NTNG1: variants seen among roughly 807,000 people sequenced by gnomAD.
NTNG1 encodes the protein netrin-G1.
A neutral mutation model predicts 54.0 loss-of-function variants in NTNG1; 16 were observed. The ratio of observed to expected loss-of-function variants is 0.30; its 90% confidence interval spans 0.20 to 0.45. The LOEUF (loss-of-function observed/expected upper bound fraction) is 0.45. NTNG1 is among the 20% of genes least tolerant of loss of function. NTNG1 has a pLI of 1.00. For synonymous variants in NTNG1, 255 were observed against 263.1 expected, an observed-to-expected ratio of 0.97 and a Z score of 0.30; for missense variants, 530 against 678.7, an observed-to-expected ratio of 0.78 and a Z score of 2.43.
intron 3 of NTNG1, among the ~76,000 whole-genome samples, chr1:107,351,702 T>C (rs1669608111): frequency 6.6e-6 from 1 of 152,196 alleles, no homozygotes; most frequent in South Asian, 2.1e-4. Flanking sequence ...CATTGCAGTA[T>C]ATAATCATGC....
intron 2 of NTNG1, among the ~76,000 whole-genome samples, chr1:107,215,615 G>C (rs937504367): frequency 1.3e-5 from 2 of 151,980 alleles, no homozygotes; most frequent in Non-Finnish European, 2.9e-5. Flanking sequence ...GGCCATGCAG[G>C]CTTTTGTTGT....
chr1:107,185,512 A>C (rs1657387158), intron 2 of NTNG1, among the ~76,000 whole-genome samples: 1 of 152,144 alleles, frequency 6.6e-6, no homozygotes, highest in Admixed American at 6.6e-5. Context: ...ATTAGGGTCC[A>C]TCCTAATCCA....
At chr1:107,240,153 C>CT (rs1274742086) in intron 2 of NTNG1, among the ~76,000 whole-genome samples, 1 of 151,748 alleles carries the variant, frequency 6.6e-6, no homozygotes, top group Admixed American at 6.6e-5. Context: ...TACAAAATTG[C>CT]TTTTTTTTAA....
At chr1:107,161,619 C>T (rs1335182204) in intron 2 of NTNG1, among the ~76,000 whole-genome samples, 1 of 151,412 alleles carries the variant, frequency 6.6e-6, no homozygotes, top group East Asian at 1.9e-4. Flanking sequence ...TGAGATCGTG[C>T]CACTGCACGC....
intron 7 of NTNG1, among the ~76,000 whole-genome samples, chr1:107,438,038 A>T (rs537234707): frequency 2.0e-5 from 3 of 152,298 alleles, no homozygotes; most frequent in African/African-American, 7.2e-5. Flanking sequence ...ATATTCTATA[A>T]AATAAATTCT....
intron 3 of NTNG1, among the ~76,000 whole-genome samples, chr1:107,379,495 C>A (rs760487116): frequency 1.3e-5 from 2 of 152,086 alleles, no homozygotes; most frequent in African/African-American, 2.4e-5. Flanking sequence ...TTAGTCATAT[C>A]CTAAGCTGCC....
chr1:107,216,756 C>G (rs891456746), intron 2 of NTNG1, among the ~76,000 whole-genome samples: 6 of 151,640 alleles, frequency 4.0e-5, no homozygotes, highest in Admixed American at 3.9e-4. Flanking sequence ...CGGCTCACTG[C>G]AACCTCTACC....
chr1:107,312,102 A>G (rs568667743), intron 2 of NTNG1, among the ~76,000 whole-genome samples: 177 of 152,338 alleles, frequency 1.2e-3, no homozygotes, highest in Middle Eastern at 6.8e-3. Flanking sequence ...AGGTTATAAG[A>G]TGGCAATACT....
intron 2 of NTNG1, among the ~76,000 whole-genome samples, chr1:107,271,672 G>A (rs2101691863): frequency 6.6e-6 from 1 of 152,146 alleles, no homozygotes; most frequent in South Asian, 2.1e-4. Context: ...GTAAAGTTAT[G>A]TATACAACAC....
At chr1:107,233,953 G>GATA (rs1661232772) in intron 2 of NTNG1, among the ~76,000 whole-genome samples, 1 of 152,164 alleles carries the variant, frequency 6.6e-6, no homozygotes, top group Admixed American at 6.5e-5. Flanking sequence ...TCGAGGGGCG[G>GATA]ATAATTAGCT....
At chr1:107,401,065 A>ACAGGTCAC (rs2101114291) in intron 4 of NTNG1, among the ~76,000 whole-genome samples, 1 of 152,292 alleles carries the variant, frequency 6.6e-6, no homozygotes, top group East Asian at 1.9e-4. Flanking sequence ...TGTGGCCTTC[A>ACAGGTCAC]CAGGTCACCA....
intron 3 of NTNG1, among the ~76,000 whole-genome samples, chr1:107,330,154 A>G (rs1379672905): frequency 1.3e-5 from 2 of 152,060 alleles, no homozygotes; most frequent in African/African-American, 4.8e-5. Flanking sequence ...GCAGTAAAGA[A>G]TTGATGGAGT....
chr1:107,397,889 G>A (rs922222590), intron 4 of NTNG1, among the ~76,000 whole-genome samples: 1 of 151,972 alleles, frequency 6.6e-6, no homozygotes, highest in African/African-American at 2.4e-5. Flanking sequence ...ATTCATTAGT[G>A]TAGTACTTCC....
At chr1:107,412,486 A>G (rs1345122718) in intron 5 of NTNG1, among the ~76,000 whole-genome samples, 1 of 152,218 alleles carries the variant, frequency 6.6e-6, no homozygotes, top group Non-Finnish European at 1.5e-5. Flanking sequence ...TACACTCATA[A>G]CATTATACCA....
At chr1:107,283,104 T>G (rs775620459) in intron 2 of NTNG1, among the ~76,000 whole-genome samples, 2 of 152,152 alleles carry the variant, frequency 1.3e-5, no homozygotes, top group Non-Finnish European at 2.9e-5. Flanking sequence ...ATATAAACTT[T>G]GCAGGGACAC....
At chr1:107,425,815 T>C (rs1431273075) in intron 5 of NTNG1, among the ~76,000 whole-genome samples, 2 of 152,162 alleles carry the variant, frequency 1.3e-5, no homozygotes, top group Non-Finnish European at 2.9e-5. Context: ...TGAGTATTCC[T>C]TTTTCTCTAC....
chr1:107,276,311 AT>A, intron 2 of NTNG1, among the ~76,000 whole-genome samples: 1 of 152,020 alleles, frequency 6.6e-6, no homozygotes, highest in East Asian at 1.9e-4. Flanking sequence ...TCATAGCAAC[AT>A]TGTCTCACTT....
intron 2 of NTNG1, among the ~76,000 whole-genome samples, chr1:107,163,996 C>T (rs890770933): frequency 1.3e-5 from 2 of 152,112 alleles, no homozygotes; most frequent in African/African-American, 4.8e-5. Context: ...AATGGATTTC[C>T]GTCACACTGC....
chr1:107,147,083 G>T (rs1654177044), intron 1 of NTNG1, among the ~76,000 whole-genome samples: 1 of 151,980 alleles, frequency 6.6e-6, no homozygotes, highest in Non-Finnish European at 1.5e-5. Flanking sequence ...CATTTGTTCA[G>T]ATTTGGATAG....
Sources: allele counts gnomAD v4.1 joint callset (sites outside exome capture counted in the v4.1 genomes callset), GRCh38; gene constraint gnomAD v4.1.1; transcripts MANE v1.5; gene names NCBI Gene and HGNC (gene_info 2026-07-23, HGNC 2026-07-21).